EIF4A3: variants seen among roughly 807,000 people sequenced by gnomAD.
EIF4A3 encodes the protein eukaryotic initiation factor 4A-III.
In EIF4A3, 1 loss-of-function variant was observed where a neutral mutation model predicts 55.6. The observed-to-expected ratio is 0.02, with a 90% CI of 0.01 to 0.09. The LOEUF (loss-of-function observed/expected upper bound fraction) is 0.09, where lower values mean the gene tolerates loss of function less well. Ranked by LOEUF, EIF4A3 falls within the 10% of genes least tolerant of loss-of-function variation. EIF4A3 has a pLI of 1.00. For missense variants in EIF4A3, 221 were observed against 540.7 expected (o/e 0.41, Z 5.86); for synonymous variants, 194 against 196.3 (o/e 0.99, Z 0.10).
intron 5 of EIF4A3, 76 bp from the exon 6 acceptor site, chr17:80,139,826 C>A: frequency 6.6e-7 from 1 of 1,521,352 alleles, no homozygotes; most frequent in Admixed American, 1.8e-5. Flanking sequence ...CTGAGGCTCC[C>A]AAGAAAGAGC....
At chr17:80,136,187 A>T (rs1469959041) in intron 10 of EIF4A3, 41 bp downstream of exon 10, 16 of 1,613,162 alleles carry the variant, frequency 9.9e-6, no homozygotes, top group Non-Finnish European at 1.3e-5. Flanking sequence ...GATTTAGTAA[A>T]TGTGTCACAG....
chr17:80,135,499 A>C lies in EIF4A3; in HGVS notation c.1227T>G (p.Asp409Glu). The change falls in exon 12 of 12, where the codon GAT (aspartate) becomes GAG (glutamate). Residue 409 changes from aspartate to glutamate, a missense_variant. By Grantham distance (45) the Asp-to-Glu change is conservative. This residue lies in a region of EIF4A3 where 93 missense variants were observed against 278.5 expected (regional missense o/e 0.33). Coordinates refer to ENST00000649764, the MANE Select transcript of EIF4A3 (RefSeq NM_014740.4). ...CCACTGATCTGCTGCTTCAGATAAG[A>C]TCAGCAACTGAAAGTGAAGAAAGAA... ...QIDEMPMNVA[D>E]LI 3.9e-6 allele frequency: 6 copies of C among 1,558,380 alleles called. No homozygotes were observed. The South Asian group carries it at 7.1e-5, about 18-fold the overall frequency.
At position 80,140,001 on chromosome 17, in the gene EIF4A3, T is replaced by C. The variant is rs1445646348; in HGVS notation, c.505+7A>G. On this transcript the variant is annotated splice_region_variant and intron_variant, in intron 5 of 11. Coordinates refer to ENST00000649764, the MANE Select transcript of EIF4A3 (RefSeq NM_014740.4). ...GCAGCACCATTTTTAGCGACAAAAG[T>C]GCTTACCAAAAACACGCCCTGGAGT... 1.9e-6 allele frequency: 3 copies of C among 1,609,606 alleles called. No individual in the cohort carries two copies. Among genetic ancestry groups the C allele is most frequent in the Admixed American group, 1.7e-5 (1 of 58,982 alleles).
intron 7 of EIF4A3, 124 bp from the exon 8 acceptor site, chr17:80,138,404 C>A: frequency 8.7e-7 from 1 of 1,153,520 alleles, no homozygotes; most frequent in Non-Finnish European, 1.3e-6. Flanking sequence ...GGTGCAGACC[C>A]AGCAGCCCCA....
chr17:80,145,803 G>A (rs930332405), intron 1 of EIF4A3, among the ~76,000 whole-genome samples: 1 of 151,830 alleles, frequency 6.6e-6, no homozygotes, highest in Non-Finnish European at 1.5e-5. Context: ...ATCAACCACC[G>A]GTTACTCAAA....
At chr17:80,141,212 G>C (rs2039615871) in intron 4 of EIF4A3, 107 bp downstream of exon 4, 2 of 1,179,240 alleles carry the variant, frequency 1.7e-6, no homozygotes, top group Non-Finnish European at 2.4e-6. Flanking sequence ...AGAAAATTTT[G>C]AGGTATCAGA....
chr17:80,136,095 C>T lies in EIF4A3; in HGVS notation c.1128G>A (p.Val376=). ...GRSGRYGRKG[V]AINFVKNDDI... ...CGTCATTCTTTACAAAGTTAATGGCCACACCCTTCCGGCCGTATCGACCTG... is the reference window on the plus strand; with the variant it reads ...CGTCATTCTTTACAAAGTTAATGGCTACACCCTTCCGGCCGTATCGACCTG... The change falls in exon 11 of 12, where the codon GTG becomes GTA. Residue 376 remains valine (V), a synonymous_variant. Coordinates refer to ENST00000649764, the MANE Select transcript of EIF4A3 (RefSeq NM_014740.4). 6.2e-7 allele frequency: 1 copy of T among 1,614,112 alleles called. No homozygotes were observed. Among genetic ancestry groups the T allele is most frequent in the Non-Finnish European group, 8.5e-7 (1 of 1,180,034 alleles).
intron 1 of EIF4A3, 24 bp downstream of exon 1, chr17:80,146,769 C>T (rs1487927906): frequency 1.3e-6 from 2 of 1,598,472 alleles, no homozygotes; most frequent in Non-Finnish European, 1.7e-6. Flanking sequence ...CCCCGGCTGG[C>T]CCCCGCGGCC....
chr17:80,135,543 C>G, intron 11 of EIF4A3, 37 bp from the exon 12 acceptor site: 1 of 1,521,976 alleles, frequency 6.6e-7, no homozygotes, highest in Non-Finnish European at 8.9e-7. Flanking sequence ...AGGAACAACA[C>G]AAACAAAATG....
chr17:80,147,046 G>GCTGCCGCTGCCGACCTCGCT lies in EIF4A3; in HGVS notation c.-105_-86dup. The GCTGCCGCTGCCGACCTCGCT allele has an allele frequency of 1.5e-6, 2 of 1,321,550 alleles. No individual in the cohort carries two copies. Among genetic ancestry groups the GCTGCCGCTGCCGACCTCGCT allele is most frequent in the East Asian group, 3.2e-5 (1 of 31,272 alleles). The allele number at this position is 1,321,550 out of a possible 1,614,324, so 81.9% of individuals were successfully genotyped here. A position where few individuals can be genotyped will look rare whatever the true frequency, so the allele number is the denominator to read the frequency against. ...ACCTCGCTGTGCCGCTGCCGACCTC[G>GCTGCCGCTGCCGACCTCGCT]CTGCCGCTGCCGACCTCGCTGTGCC... On this transcript the variant is annotated 5_prime_UTR_variant, in exon 1 of 12. Coordinates refer to ENST00000649764, the MANE Select transcript of EIF4A3 (RefSeq NM_014740.4).
intron 1 of EIF4A3, among the ~76,000 whole-genome samples, chr17:80,146,109 T>C (rs1416573697): frequency 6.6e-6 from 1 of 152,208 alleles, no homozygotes; most frequent in Non-Finnish European, 1.5e-5. Flanking sequence ...CTACACGTCT[T>C]TGCTAGATCT....
chr17:80,140,366 G>A (rs1426089363), intron 4 of EIF4A3: 2 of 404,648 alleles, frequency 4.9e-6, no homozygotes, highest in Non-Finnish European at 8.3e-6. Flanking sequence ...CATGCTGGGG[G>A]GCAGCAGCGC....
At position 80,141,839 on chromosome 17, in the gene EIF4A3, G is replaced by T. The variant is rs61756262; in HGVS notation, c.252C>A (p.Ser84=). 1 of 1,613,708 alleles carries T rather than the reference G, an allele frequency of 6.2e-7. No individual in the cohort carries two copies. Among genetic ancestry groups the T allele is most frequent in the African/African-American group, 1.3e-5 (1 of 74,864 alleles). The part of the protein sequence containing the change: ...KGRDVIAQSQ[S]GTGKTATFSI... The stretch of plus-strand genomic sequence containing the variant: ...TGAAGGTGGCTGTTTTTCCTGTGCC[G>T]GACTGAGACCTATTCAAGGAAACAA... The change falls in exon 3 of 12, where the codon TCC becomes TCA. Residue 84 remains serine (S), a synonymous_variant. Transcript: ENST00000649764.
chr17:80,144,108 A>G, intron 2 of EIF4A3, 64 bp downstream of exon 2: 1 of 1,475,974 alleles, frequency 6.8e-7, no homozygotes, highest in East Asian at 2.3e-5. Context: ...ATCCCAGAGC[A>G]TCTAACTGCA....
At chr17:80,143,915 G>T (rs2039638446) in intron 2 of EIF4A3, among the ~76,000 whole-genome samples, 1 of 152,180 alleles carries the variant, frequency 6.6e-6, no homozygotes, top group African/African-American at 2.4e-5. Context: ...GAGAGGCAAA[G>T]GTTGCAGTGA....
intron 5 of EIF4A3, 26 bp downstream of exon 5, chr17:80,139,982 C>T: frequency 1.2e-6 from 2 of 1,605,060 alleles, no homozygotes; most frequent in South Asian, 1.1e-5. Flanking sequence ...ACCGGCAGCA[C>T]CATTTTTAGC....
intron 4 of EIF4A3, 173 bp from the exon 5 acceptor site, chr17:80,140,313 C>CCTT (rs2039606957): frequency 2.5e-6 from 1 of 404,718 alleles, no homozygotes; most frequent in African/African-American, 2.5e-5. Flanking sequence ...GTTAATTTTG[C>CCTT]TTTTTTTTTT....
rs542778487 is a variant in EIF4A3, at chr17:80,146,751, C to T, written c.169+42G>A. On this transcript the variant is annotated intron_variant, in intron 1 of 11. Coordinates refer to ENST00000649764, the MANE Select transcript of EIF4A3 (RefSeq NM_014740.4). ...TGGCCCTCAGCCCCCGGCTCGCCCC[C>T]GACTCGCCCCCGGCTGGCCCCCGCG... 676 of 1,587,188 alleles carry T rather than the reference C, an allele frequency of 4.3e-4. 3 individuals are homozygous for T. In the African/African-American group the frequency reaches 7.6e-3, roughly 18 times the overall value.
At position 80,147,029 on chromosome 17, in the gene EIF4A3, G is replaced by GTACCGCTGCCGACCTCGC; in HGVS notation, c.-69_-68insGCGAGGTCGGCAGCGGTA. 1 of 1,241,732 alleles carries GTACCGCTGCCGACCTCGC rather than the reference G, an allele frequency of 8.1e-7. No homozygotes were observed. The highest frequency in any genetic ancestry group is 3.6e-5 in the East Asian group (1 of 27,650). The allele number at this position is 1,241,732 out of a possible 1,614,324, so 76.9% of individuals were successfully genotyped here. ...CCTCGCTGCCGCTGCCGACCTCGCT[G>GTACCGCTGCCGACCTCGC]TGCCGCTGCCGACCTCGCTGCCGCT... is the stretch of plus-strand genomic sequence containing the variant. On this transcript the variant is annotated 5_prime_UTR_variant, in exon 1 of 12. Transcript: ENST00000649764.
Sources: gnomAD v4.1 joint callset for allele counts (sites outside exome capture counted in the v4.1 genomes callset) on GRCh38, gnomAD v4.1.1 for gene constraint, gnomAD v4.1.1 regional missense constraint, MANE v1.5 for transcripts, NCBI Gene and HGNC (gene_info 2026-07-23, HGNC 2026-07-21) for gene names.